MECOM: variants seen among roughly 807,000 people sequenced by gnomAD.
MECOM encodes the protein histone-lysine N-methyltransferase MECOM.
MECOM carries 13 observed loss-of-function variants against 116.3 expected under a neutral mutation model. The ratio of observed to expected loss-of-function variants is 0.11; its 90% CI spans 0.07 to 0.18. The LOEUF (loss-of-function observed/expected upper bound fraction) is 0.18, where lower values mean the gene tolerates loss of function less well. MECOM is among the 10% of genes least tolerant of loss of function. The pLI, the probability that MECOM is intolerant of heterozygous loss-of-function variation, is 1.00. For missense variants in MECOM, 1,299 were observed against 1,509.0 expected (o/e 0.86, Z 2.31); for synonymous variants, 528 against 535.2 (o/e 0.99, Z 0.19).
At chr3:169,149,401 AG>A (rs1187052915) in intron 2 of MECOM, 1 of 166,712 alleles carries the variant, frequency 6.0e-6, no homozygotes, top group Non-Finnish European at 1.3e-5. Context: ...AGGGCCTCCG[AG>A]TTTTTTCCCC....
Position 169,528,647 on chromosome 3 carries a change from A to G in MECOM, c.37+134689T>C, listed in dbSNP as rs79735967. Reference sequence around the variant, plus strand: ...GTAACTGAAACAGCTTCCTTATGCTACTTTCTTCATTGAACTTCATTTATT... The same window carrying G: ...GTAACTGAAACAGCTTCCTTATGCTGCTTTCTTCATTGAACTTCATTTATT... On this transcript the variant is annotated intron_variant, in intron 1 of 16. Transcript: ENST00000651503. Among the ~76,000 whole-genome samples the G allele has an allele frequency of 6.6e-3, 1,002 of 152,342 alleles. 6 individuals carry two copies. The highest frequency in any genetic ancestry group is 0.023 in the African/African-American group (969 of 41,572).
At chr3:169,342,481 T>C (rs754853072) in intron 2 of MECOM, among the ~76,000 whole-genome samples, 2 of 152,166 alleles carry the variant, frequency 1.3e-5, no homozygotes, top group Non-Finnish European at 2.9e-5. Flanking sequence ...CAGCAATCTA[T>C]CTTTTCATAT....
intron 1 of MECOM, among the ~76,000 whole-genome samples, chr3:169,595,493 C>A (rs1470688740): frequency 6.6e-6 from 1 of 152,182 alleles, no homozygotes; most frequent in Non-Finnish European, 1.5e-5. Flanking sequence ...TCTACTAAAT[C>A]AAAAACTTGC....
At chr3:169,220,522 T>G (rs544930897) in intron 2 of MECOM, among the ~76,000 whole-genome samples, 1 of 152,262 alleles carries the variant, frequency 6.6e-6, no homozygotes, top group South Asian at 2.1e-4. Context: ...TCACCCAGAC[T>G]GGAGTGCAGT....
chr3:169,094,424 A>G (rs761838661), intron 13 of MECOM, among the ~76,000 whole-genome samples: 28 of 152,238 alleles, frequency 1.8e-4, no homozygotes, highest in Non-Finnish European at 3.8e-4. Context: ...ATTGGAAGCC[A>G]AAGACTAGAA....
chr3:169,198,157 A>G (rs1748674455), intron 2 of MECOM, among the ~76,000 whole-genome samples: 1 of 152,074 alleles, frequency 6.6e-6, no homozygotes, highest in Non-Finnish European at 1.5e-5. Context: ...GATTCTTCTG[A>G]CAATAAAAGA....
chr3:169,574,462 AG>A (rs1764258541), intron 1 of MECOM, among the ~76,000 whole-genome samples: 1 of 152,230 alleles, frequency 6.6e-6, no homozygotes. Flanking sequence ...CCCATCCTCA[AG>A]GATTTGGGAA....
At chr3:169,192,900 G>T (rs532848687) in intron 2 of MECOM, among the ~76,000 whole-genome samples, 1 of 152,118 alleles carries the variant, frequency 6.6e-6, no homozygotes, top group East Asian at 1.9e-4. Context: ...ATTGGAGCTT[G>T]TTGGATGTTT....
chr3:169,478,784 C>A (rs1578214272), intron 1 of MECOM, among the ~76,000 whole-genome samples: 2 of 152,254 alleles, frequency 1.3e-5, no homozygotes, highest in South Asian at 4.1e-4. Flanking sequence ...TGGGGGTGTT[C>A]CTCTGTGATA....
At chr3:169,382,879 A>AAAAAAAAAAAAAAAAAAAAG (rs1358767356) in intron 1 of MECOM, among the ~76,000 whole-genome samples, 3 of 138,516 alleles carry the variant, frequency 2.2e-5, no homozygotes, top group African/African-American at 2.7e-5. Flanking sequence ...AAAAATAAAA[A>AAAAAAAAAAAAAAAAAAAAG]AAGAAGGTAA....
Position 169,092,951 on chromosome 3 carries a change from G to A in MECOM, c.3164+7C>T, listed in dbSNP as rs2148873217. ...CACAGAGTTTAAAAAGTAAAAGACA[G>A]CTTTACCTCTCCTCCACATTCCTGG... On this transcript the variant is annotated splice_region_variant and intron_variant, in intron 14 of 16. Coordinates refer to ENST00000651503, the MANE Select transcript of MECOM (RefSeq NM_004991.4). 6.2e-7 allele frequency: 1 copy of A among 1,613,556 alleles called. No homozygotes were observed. Among genetic ancestry groups the A allele is most frequent in the Non-Finnish European group, 8.5e-7 (1 of 1,179,650 alleles).
intron 1 of MECOM, among the ~76,000 whole-genome samples, chr3:169,609,073 C>A (rs1045474136): frequency 1.3e-5 from 2 of 152,170 alleles, no homozygotes; most frequent in African/African-American, 4.8e-5. Flanking sequence ...CTTATCGACA[C>A]AGGAATCTCT....
intron 1 of MECOM, among the ~76,000 whole-genome samples, chr3:169,456,368 T>G (rs1463162323): frequency 6.6e-6 from 1 of 152,352 alleles, no homozygotes; most frequent in South Asian, 2.1e-4. Context: ...TGGGTTTAGA[T>G]TCCAGACCCC....
chr3:169,609,676 C>A (rs956954240), intron 1 of MECOM, among the ~76,000 whole-genome samples: 2 of 152,100 alleles, frequency 1.3e-5, no homozygotes, highest in African/African-American at 4.8e-5. Context: ...AAACACTATT[C>A]GTTTTCTTTT....
intron 2 of MECOM, among the ~76,000 whole-genome samples, chr3:169,210,941 T>C (rs1750645454): frequency 6.6e-6 from 1 of 152,174 alleles, no homozygotes; most frequent in Non-Finnish European, 1.5e-5. Flanking sequence ...GATTTGCCCA[T>C]TGAGTGGCAT....
chr3:169,507,043 A>G (rs1295759359), intron 1 of MECOM, among the ~76,000 whole-genome samples: 2 of 152,246 alleles, frequency 1.3e-5, no homozygotes, highest in Non-Finnish European at 2.9e-5. Context: ...TAAGAAACAC[A>G]TATCCCTGAA....
At chr3:169,523,794 G>A (rs567665226) in intron 1 of MECOM, among the ~76,000 whole-genome samples, 2 of 151,678 alleles carry the variant, frequency 1.3e-5, no homozygotes, top group Admixed American at 1.3e-4. Context: ...AATATTGCAT[G>A]AGACATACCT....
At chr3:169,154,770 T>C (rs1320048944) in intron 2 of MECOM, among the ~76,000 whole-genome samples, 2 of 152,192 alleles carry the variant, frequency 1.3e-5, no homozygotes. Flanking sequence ...TTATTATTGG[T>C]ATTGCTATTA....
intron 2 of MECOM, among the ~76,000 whole-genome samples, chr3:169,177,662 A>G (rs1183113383): frequency 6.6e-6 from 1 of 152,218 alleles, no homozygotes; most frequent in Non-Finnish European, 1.5e-5. Context: ...CATGCTTGTA[A>G]TCCCAGCACT....
Sources: gnomAD v4.1 joint callset for allele counts (sites outside exome capture counted in the v4.1 genomes callset) on GRCh38, gnomAD v4.1.1 for gene constraint, MANE v1.5 for transcripts, NCBI Gene and HGNC (gene_info 2026-07-23, HGNC 2026-07-21) for gene names.